Variants in FSTL5 observed in about 807,000 individuals in gnomAD.
The protein encoded by FSTL5 is follistatin like 5.
Under a neutral mutation model 89.1 loss-of-function variants are expected in FSTL5, and 62 were observed. That is an observed-to-expected ratio of 0.70 (90% CI 0.57 to 0.86). The LOEUF is 0.86. Among genes scored for constraint, FSTL5 ranks in the 40% least tolerant of loss-of-function variants. FSTL5 has a pLI of 0.00. For synonymous variants in FSTL5, 383 were observed against 346.2 expected, an observed-to-expected ratio of 1.11 and a Z score of -1.18; for missense variants, 1,057 against 1,001.6, an observed-to-expected ratio of 1.06 and a Z score of -0.75.
chr4:161,646,696 T>C (rs761737095), intron 7 of FSTL5, among the ~76,000 whole-genome samples: 1 of 152,138 alleles, frequency 6.6e-6, no homozygotes, highest in Non-Finnish European at 1.5e-5. Context: ...CAGTTGTTTA[T>C]TATCTGTCTG....
At chr4:161,690,938 T>G (rs1737920850) in intron 6 of FSTL5, among the ~76,000 whole-genome samples, 1 of 152,184 alleles carries the variant, frequency 6.6e-6, no homozygotes. Context: ...TTGCTAAGAA[T>G]AGTGGCCTCT....
At chr4:161,563,372 T>C (rs1732674519) in intron 8 of FSTL5, among the ~76,000 whole-genome samples, 1 of 152,010 alleles carries the variant, frequency 6.6e-6, no homozygotes, top group Non-Finnish European at 1.5e-5. Context: ...GAAATGAATA[T>C]ACTGTTTTCT....
At chr4:161,544,282 T>C (rs897963490) in intron 8 of FSTL5, among the ~76,000 whole-genome samples, 10 of 152,038 alleles carry the variant, frequency 6.6e-5, no homozygotes, top group Admixed American at 5.3e-4. Context: ...ACTGGAACTC[T>C]TGCACATTGC....
chr4:161,651,096 G>A (rs1370200324), intron 7 of FSTL5, among the ~76,000 whole-genome samples: 3 of 151,736 alleles, frequency 2.0e-5, no homozygotes, highest in South Asian at 2.1e-4. Context: ...CTTTATGCTC[G>A]CCTCAGCTTG....
chr4:161,619,081 A>C (rs554788854), intron 7 of FSTL5, among the ~76,000 whole-genome samples: 165 of 152,232 alleles, frequency 1.1e-3, no homozygotes, highest in Middle Eastern at 3.4e-3. Context: ...GAAAAACAAG[A>C]AATGGGGAAA....
intron 4 of FSTL5, among the ~76,000 whole-genome samples, chr4:161,822,780 C>T (rs372897141): frequency 3.9e-5 from 6 of 152,186 alleles, no homozygotes; most frequent in South Asian, 2.1e-4. Flanking sequence ...TCTTGTCTCA[C>T]GTCCAGGAAG....
At chr4:161,395,861 C>A (rs926942491) in intron 15 of FSTL5, among the ~76,000 whole-genome samples, 3 of 152,078 alleles carry the variant, frequency 2.0e-5, no homozygotes, top group Non-Finnish European at 4.4e-5. Flanking sequence ...TATAAAGCTA[C>A]CTCAAGAGAG....
intron 11 of FSTL5, among the ~76,000 whole-genome samples, chr4:161,506,706 G>A (rs1730493883): frequency 1.3e-5 from 2 of 152,088 alleles, no homozygotes; most frequent in African/African-American, 4.8e-5. Flanking sequence ...GGCTGAAGAA[G>A]CTAAGCTGGC....
intron 3 of FSTL5, among the ~76,000 whole-genome samples, chr4:161,928,805 G>A (rs926622499): frequency 5.9e-5 from 9 of 151,716 alleles, no homozygotes; most frequent in East Asian, 1.9e-4. Flanking sequence ...GTCTGTTATC[G>A]GATGTGTCTT....
intron 1 of FSTL5, among the ~76,000 whole-genome samples, chr4:162,161,042 A>T (rs529091537): frequency 6.6e-6 from 1 of 152,062 alleles, no homozygotes; most frequent in South Asian, 2.1e-4. Context: ...CAAATTGAGC[A>T]CGTCATGTAA....
intron 15 of FSTL5, among the ~76,000 whole-genome samples, chr4:161,437,796 A>T (rs1313179263): frequency 6.6e-6 from 1 of 152,110 alleles, no homozygotes; most frequent in Non-Finnish European, 1.5e-5. Flanking sequence ...TGGATTTTCC[A>T]CATGGAAGCA....
chr4:161,836,487 A>G (rs1046049454), intron 4 of FSTL5, among the ~76,000 whole-genome samples: 12 of 152,064 alleles, frequency 7.9e-5, no homozygotes, highest in Middle Eastern at 3.4e-3. Context: ...GAAAAGAAAA[A>G]AAAAAGTAAG....
intron 2 of FSTL5, among the ~76,000 whole-genome samples, chr4:162,067,311 C>T (rs1306186856): frequency 6.6e-6 from 1 of 152,032 alleles, no homozygotes; most frequent in Non-Finnish European, 1.5e-5. Context: ...CCTTGGCCTC[C>T]CAAAGTGCTG....
At chr4:161,705,959 T>TGTGTGTGTGTAG (rs1560800217) in intron 6 of FSTL5, among the ~76,000 whole-genome samples, 76 of 42,074 alleles carry the variant, frequency 1.8e-3, no homozygotes, top group African/African-American at 0.012. Context: ...TGTGTATATA[T>TGTGTGTGTGTAG]ATATATATAT....
intron 3 of FSTL5, among the ~76,000 whole-genome samples, chr4:161,978,457 AC>A: frequency 6.6e-6 from 1 of 152,276 alleles, no homozygotes; most frequent in Non-Finnish European, 1.5e-5. Flanking sequence ...TATGAAAAAT[AC>A]GTCACTCATG....
intron 15 of FSTL5, among the ~76,000 whole-genome samples, chr4:161,427,242 CCA>C (rs2126329733): frequency 6.6e-6 from 1 of 152,264 alleles, no homozygotes; most frequent in South Asian, 2.1e-4. Flanking sequence ...TCTGTAGCAG[CCA>C]TATTATATGC....
chr4:161,424,265 T>C (rs768200361), intron 15 of FSTL5, among the ~76,000 whole-genome samples: 4 of 151,960 alleles, frequency 2.6e-5, no homozygotes, highest in Non-Finnish European at 5.9e-5. Context: ...ATTATCCATG[T>C]AATAAGAGTA....
intron 4 of FSTL5, among the ~76,000 whole-genome samples, chr4:161,822,332 C>T (rs2126851935): frequency 6.6e-6 from 1 of 152,272 alleles, no homozygotes; most frequent in African/African-American, 2.4e-5. Flanking sequence ...GCACTTGGCT[C>T]ACACTACCAG....
chr4:161,711,842 A>G (rs907278065), intron 6 of FSTL5, among the ~76,000 whole-genome samples: 7 of 152,188 alleles, frequency 4.6e-5, no homozygotes, highest in Admixed American at 6.6e-5. Context: ...CAATTAGTAT[A>G]TAGTGTATCA....
Sources: allele counts gnomAD v4.1 joint callset (sites outside exome capture counted in the v4.1 genomes callset), GRCh38; gene constraint gnomAD v4.1.1; transcripts MANE v1.5; gene names NCBI Gene and HGNC (gene_info 2026-07-23, HGNC 2026-07-21).